Variants in NCALD observed in about 807,000 individuals in gnomAD.
NCALD encodes neurocalcin-delta.
In NCALD, 10 loss-of-function variants were observed where a neutral mutation model predicts 18.6. The ratio of observed to expected loss-of-function variants is 0.54; its 90% confidence interval spans 0.33 to 0.91. The LOEUF (loss-of-function observed/expected upper bound fraction) is 0.91. Ranked by LOEUF, NCALD falls within the 40% of genes least tolerant of loss-of-function variation. The probability of loss-of-function intolerance (pLI) is 0.03; values close to 1 mark genes in which losing one functional copy is unlikely to be tolerated. For missense variants in NCALD, 184 were observed against 247.6 expected, an observed-to-expected ratio of 0.74 and a Z score of 1.72; for synonymous variants, 88 against 87.4, an observed-to-expected ratio of 1.01 and a Z score of -0.04.
Position 102,000,151 on chromosome 8 carries a change from C to G in NCALD, c.-157+20086G>C, listed in dbSNP as rs574375363. ...CTTTCCTAGGGATGACGGATGGCAC[C>G]TGGAAAATCGGGTCACTCCCACCCT... On this transcript the variant is annotated intron_variant, in intron 2 of 6. Transcript: ENST00000311028. Among the ~76,000 whole-genome samples, 167 of 152,306 alleles carry G rather than the reference C, an allele frequency of 1.1e-3. 2 individuals are homozygous for G. Among genetic ancestry groups the G allele is most frequent in the African/African-American group, 3.7e-3 (152 of 41,558 alleles).
At chr8:102,102,704 T>C (rs1825325881) in intron 1 of NCALD, among the ~76,000 whole-genome samples, 1 of 152,128 alleles carries the variant, frequency 6.6e-6, no homozygotes, top group Non-Finnish European at 1.5e-5. Flanking sequence ...CTCCTCCTTC[T>C]GCACACCAGG....
At chr8:102,043,715 G>A (rs1346532905) in intron 1 of NCALD, among the ~76,000 whole-genome samples, 1 of 137,442 alleles carries the variant, frequency 7.3e-6, no homozygotes, top group Non-Finnish European at 1.6e-5. Context: ...AGGGGCAGGG[G>A]ACAGGGAGGG....
intron 4 of NCALD, among the ~76,000 whole-genome samples, chr8:101,878,205 C>A (rs186303457): frequency 6.6e-6 from 1 of 152,342 alleles, no homozygotes; most frequent in African/African-American, 2.4e-5. Flanking sequence ...CTTCCTACCA[C>A]TTCAGAAGAC....
intron 1 of NCALD, among the ~76,000 whole-genome samples, chr8:102,078,333 C>T (rs544120958): frequency 6.6e-6 from 1 of 152,354 alleles, no homozygotes; most frequent in African/African-American, 2.4e-5. Context: ...TACCTGGTCT[C>T]TTTGTTCCTA....
chr8:101,868,085 T>C (rs528478101), intron 4 of NCALD, among the ~76,000 whole-genome samples: 85 of 152,370 alleles, frequency 5.6e-4, no homozygotes, highest in African/African-American at 1.9e-3. Flanking sequence ...TCCTTTATTA[T>C]GGACTGACAG....
At chr8:101,967,223 A>G (rs757147514) in intron 2 of NCALD, among the ~76,000 whole-genome samples, 1 of 152,230 alleles carries the variant, frequency 6.6e-6, no homozygotes, top group Non-Finnish European at 1.5e-5. Flanking sequence ...ATTCATGAAC[A>G]GTGTTGTAAA....
chr8:101,733,465 G>C (rs1185050883), intron 1 of NCALD, among the ~76,000 whole-genome samples: 2 of 152,090 alleles, frequency 1.3e-5, no homozygotes, highest in South Asian at 2.1e-4. Context: ...CCTTTCCATA[G>C]GGCTGTTTTG....
intron 3 of NCALD, among the ~76,000 whole-genome samples, chr8:101,903,533 C>T (rs190315038): frequency 6.9e-4 from 105 of 152,066 alleles, no homozygotes; most frequent in Admixed American, 1.9e-3. Flanking sequence ...TGTGTTGGGG[C>T]GAGAGCGAGG....
chr8:101,932,050 C>G (rs1254054920), intron 2 of NCALD, among the ~76,000 whole-genome samples: 1 of 152,178 alleles, frequency 6.6e-6, no homozygotes, highest in Non-Finnish European at 1.5e-5. Context: ...GTAGCCCTCA[C>G]CTTGAGCTCC....
intron 4 of NCALD, among the ~76,000 whole-genome samples, chr8:101,811,550 A>G (rs551537744): frequency 7.5e-4 from 115 of 152,348 alleles, no homozygotes; most frequent in African/African-American, 2.7e-3. Context: ...GCAATAGGAA[A>G]TTAATACAGG....
chr8:101,747,561 T>C (rs1246737989), intron 1 of NCALD, among the ~76,000 whole-genome samples: 1 of 152,196 alleles, frequency 6.6e-6, no homozygotes, highest in Non-Finnish European at 1.5e-5. Flanking sequence ...AAATTTTCTC[T>C]GTGGCAAGCC....
At chr8:102,005,499 C>T (rs1821666140) in intron 2 of NCALD, among the ~76,000 whole-genome samples, 1 of 152,146 alleles carries the variant, frequency 6.6e-6, no homozygotes, top group Non-Finnish European at 1.5e-5. Context: ...ACTAGAAATA[C>T]CATTTGACCC....
rs765332867 is a variant in NCALD, at chr8:101,719,348, C to G, written c.282G>C (p.Arg94Ser). 2 of 1,614,218 alleles carry G rather than the reference C, an allele frequency of 1.2e-6. No homozygotes were observed. The highest frequency in any genetic ancestry group is 1.7e-6 in the Non-Finnish European group (2 of 1,180,046). Reference sequence around the variant, plus strand: ...ATTTCAGCTTCTGCTCCAGCTTCCCCCTCGAAGTTACACTCAAGGCGATGA... The same window carrying G: ...ATTTCAGCTTCTGCTCCAGCTTCCCGCTCGAAGTTACACTCAAGGCGATGA... ...EFIIALSVTS[R>S]GKLEQKLKWA... The change falls in exon 2 of 4, where the codon AGG (arginine) becomes AGC (serine). Residue 94 changes from arginine (R) to serine (S), a missense_variant. Arg to Ser is a moderately radical substitution (Grantham distance 110). Transcript: ENST00000220931.
At chr8:101,890,505 G>C (rs1026371602) in intron 3 of NCALD, among the ~76,000 whole-genome samples, 1 of 152,074 alleles carries the variant, frequency 6.6e-6, no homozygotes, top group African/African-American at 2.4e-5. Flanking sequence ...ATGGCCTTGG[G>C]GGTGGTGATT....
At chr8:102,076,816 C>T (rs572689518) in intron 1 of NCALD, among the ~76,000 whole-genome samples, 3 of 152,282 alleles carry the variant, frequency 2.0e-5, no homozygotes, top group South Asian at 2.1e-4. Context: ...GCAAATAGCA[C>T]GCCTTCCTTC....
intron 1 of NCALD, among the ~76,000 whole-genome samples, chr8:102,042,190 A>C (rs1166324312): frequency 6.6e-6 from 1 of 151,970 alleles, no homozygotes; most frequent in Non-Finnish European, 1.5e-5. Flanking sequence ...TCCAAGGCAG[A>C]ATTTCAAAGT....
chr8:101,868,969 TG>T (rs1281985185), intron 4 of NCALD, among the ~76,000 whole-genome samples: 1 of 152,240 alleles, frequency 6.6e-6, no homozygotes, highest in East Asian at 1.9e-4. Flanking sequence ...GACCCTCTGC[TG>T]GTAACAGAGC....
At chr8:101,921,803 T>G (rs1304613085) in intron 2 of NCALD, among the ~76,000 whole-genome samples, 1 of 152,208 alleles carries the variant, frequency 6.6e-6, no homozygotes, top group African/African-American at 2.4e-5. Context: ...ATATAGATAC[T>G]ATAGAAGATG....
At chr8:101,728,224 C>T (rs757767084) in intron 1 of NCALD, among the ~76,000 whole-genome samples, 7 of 152,160 alleles carry the variant, frequency 4.6e-5, no homozygotes, top group Non-Finnish European at 1.0e-4. Flanking sequence ...AGGATGAGCA[C>T]GTTCCCTTCT....
Sources: allele counts gnomAD v4.1 joint callset (sites outside exome capture counted in the v4.1 genomes callset), GRCh38; gene constraint gnomAD v4.1.1; transcripts MANE v1.5; gene names NCBI Gene and HGNC (gene_info 2026-07-23, HGNC 2026-07-21).